Variants in PDE6B observed in about 807,000 individuals in gnomAD.
PDE6B encodes the protein rod cGMP-specific 3',5'-cyclic phosphodiesterase subunit beta.
In PDE6B, 106 loss-of-function variants were observed where a neutral mutation model predicts 109.0. The ratio of observed to expected loss-of-function variants is 0.97; its 90% confidence interval spans 0.83 to 1.14. The LOEUF (loss-of-function observed/expected upper bound fraction) is 1.14, where lower values mean the gene tolerates loss of function less well. Among genes scored for constraint, PDE6B ranks in the 50% most tolerant of loss-of-function variants. The probability of loss-of-function intolerance (pLI) is 0.00; values close to 1 mark genes in which losing one functional copy is unlikely to be tolerated. For missense variants in PDE6B, 1,193 were observed against 1,155.6 expected (o/e 1.03, Z -0.47); for synonymous variants, 490 against 471.3 (o/e 1.04, Z -0.51).
At chr4:658,769 G>A (rs1736676719) in intron 10 of PDE6B, among the ~76,000 whole-genome samples, 183 bp from the exon 11 acceptor site, 1 of 152,188 alleles carries the variant, frequency 6.6e-6, no homozygotes, top group Non-Finnish European at 1.5e-5. Context: ...GGACAGGTGG[G>A]AAAGTCAGCA....
chr4:653,732 GCAGGTGGT>G lies in PDE6B; in HGVS notation c.712-116_712-109del. The G allele has an allele frequency of 1.3e-5, 14 of 1,109,856 alleles. No individual in the cohort carries two copies. In the South Asian group the frequency reaches 1.8e-4, roughly 14 times the overall value. 68.8% of individuals were successfully genotyped at this position (1,109,856 alleles called of 1,614,324 possible). On this transcript the variant is annotated intron_variant, in intron 3 of 21. Coordinates refer to ENST00000496514, the MANE Select transcript of PDE6B (RefSeq NM_000283.4). ...GGTCTGTGCCAGGCTCCACGGCTGG[GCAGGTGGT>G]CAGATCAGGGAGCGCACCTGTGTCA...
At chr4:639,686 T>C (rs918393440) in intron 3 of PDE6B, among the ~76,000 whole-genome samples, 2 of 152,190 alleles carry the variant, frequency 1.3e-5, no homozygotes, top group Non-Finnish European at 2.9e-5. Context: ...AAAGTGATGC[T>C]GAGGCCGGGC....
rs1164051143 is a variant in PDE6B, at chr4:668,015, C to G, written c.2503+9C>G. 3 of 1,609,590 alleles carry G rather than the reference C, an allele frequency of 1.9e-6. No homozygotes were observed. The highest frequency in any genetic ancestry group is 2.2e-5 in the East Asian group (1 of 44,808). ...GGTGGCAGCCAAGAAAGGTCTGGCT[C>G]TGTGTGGCCTGTGGGGCAGGGACTC... On this transcript the variant is annotated intron_variant, in intron 21 of 21. Coordinates refer to ENST00000496514, the MANE Select transcript of PDE6B (RefSeq NM_000283.4).
chr4:654,753 CTGTGTG>C, intron 5 of PDE6B, 65 bp from the exon 6 acceptor site: 3 of 808,416 alleles, frequency 3.7e-6, no homozygotes, highest in East Asian at 2.5e-5. Flanking sequence ...CTGCATGTAG[CTGTGTG>C]TGTGTGTGTG....
Position 660,590 on chromosome 4 carries a change from C to G in PDE6B, c.1591C>G (p.Arg531Gly), listed in dbSNP as rs121918580. 2 of 1,613,712 alleles carry G rather than the reference C, an allele frequency of 1.2e-6. No homozygotes were observed. The highest frequency in any genetic ancestry group is 2.7e-5 in the African/African-American group (2 of 75,000). The change falls in exon 12 of 22, where the codon CGA becomes GGA. Residue 531 changes from arginine (R) to glycine (G), a missense_variant. Physicochemically the swap from Arg to Gly is moderately radical, Grantham distance 125. Coordinates refer to ENST00000496514, the MANE Select transcript of PDE6B (RefSeq NM_000283.4). ...GATGTACTACGAGCTGGGCGTGGTC[C>G]GAAAGTTCCAGATCCCCCAGGAGGT... ...IQMYYELGVV[R>G]KFQIPQEVLV...
At chr4:639,698 C>T (rs749143833) in intron 3 of PDE6B, among the ~76,000 whole-genome samples, 2 of 152,186 alleles carry the variant, frequency 1.3e-5, no homozygotes, top group Admixed American at 6.5e-5. Context: ...AGGCCGGGCA[C>T]GGTGGCTCAT....
intron 16 of PDE6B, 33 bp from the exon 17 acceptor site, chr4:664,081 C>G: frequency 2.1e-6 from 3 of 1,449,490 alleles, no homozygotes; most frequent in Non-Finnish European, 2.9e-6. Context: ...CACACTTGCT[C>G]CCACCTGCAC....
intron 1 of PDE6B, among the ~76,000 whole-genome samples, chr4:631,384 C>T (rs1734376272): frequency 6.6e-6 from 1 of 152,236 alleles, no homozygotes; most frequent in Admixed American, 6.5e-5. Context: ...GGGGCACCAT[C>T]TGAGGGTCAC....
At chr4:628,553 G>C (rs909412768) in intron 1 of PDE6B, among the ~76,000 whole-genome samples, 4 of 152,254 alleles carry the variant, frequency 2.6e-5, no homozygotes, top group African/African-American at 9.6e-5. Context: ...CTGCTCCTGA[G>C]CACAGCGGGC....
intron 7 of PDE6B, 70 bp downstream of exon 7, chr4:656,076 T>A: frequency 8.9e-7 from 1 of 1,123,562 alleles, no homozygotes; most frequent in Non-Finnish European, 1.4e-6. Flanking sequence ...TGCTTCTCCT[T>A]GTCTCTGCCA....
Position 648,525 on chromosome 4 carries a change from C to A in PDE6B, c.712-5327C>A, listed in dbSNP as rs183550660. On this transcript the variant is annotated intron_variant, in intron 3 of 21. Coordinates refer to ENST00000496514, the MANE Select transcript of PDE6B (RefSeq NM_000283.4). This position sits in a 1 kb window ranked among gnomAD's most constrained non-coding sequence, Gnocchi z 4.5. ...TTGAAGCAGCCTCTGGGCGCTCCCC[C>A]CTCCCTCTGTCCCGGGCCCTCACCT... Among the ~76,000 whole-genome samples, 52 of 152,330 alleles carry A rather than the reference C, an allele frequency of 3.4e-4. No individual in the cohort carries two copies. The highest frequency in any genetic ancestry group is 2.7e-3 in the South Asian group (13 of 4,826).
rs1560108790 is a variant in PDE6B, at chr4:642,726, A to AG, written c.711+6757_711+6758insG. On this transcript the variant is annotated intron_variant, in intron 3 of 21. Coordinates refer to ENST00000496514, the MANE Select transcript of PDE6B (RefSeq NM_000283.4). ...CAACCTGGACAACAGACACTGTCTC[A>AG]AAAAAAAAAAAAAAAAAAAAAAAAG... 4.4e-3 allele frequency among the ~76,000 whole-genome samples: 483 copies of AG among 110,614 alleles called. 2 individuals carry two copies. Among genetic ancestry groups the AG allele is most frequent in the African/African-American group, 0.017 (465 of 26,854 alleles). 72.6% of individuals were successfully genotyped at this position (110,614 alleles called of 152,430 possible).
chr4:653,938 C>G lies in PDE6B; in HGVS notation c.798C>G (p.Ala266=), dbSNP rs780540276. The G allele has an allele frequency of 1.2e-6, 2 of 1,613,776 alleles. No homozygotes were observed. The highest frequency in any genetic ancestry group is 1.1e-5 in the South Asian group (1 of 91,092). Residue 266 remains alanine (A), a synonymous_variant, in exon 4 of 22, where the codon GCC becomes GCG. Transcript: ENST00000496514. ...QFHKAFYTVR[A]YLNCERYSVG... ...ACAAGGCCTTCTACACGGTGCGGGC[C>G]TACCTCAACTGCGAGCGGTACTCCG... is the stretch of plus-strand genomic sequence containing the variant.
chr4:631,692 CGTT>C (rs1560102280), intron 1 of PDE6B, among the ~76,000 whole-genome samples: 1 of 150,156 alleles, frequency 6.7e-6, no homozygotes, highest in East Asian at 2.0e-4. Context: ...CTGAGGGTCA[CGTT>C]GTGTGGATTT....
Position 655,945 on chromosome 4 carries a change from C to A in PDE6B, c.998C>A (p.Pro333His), listed in dbSNP as rs138955314. The change falls in exon 7 of 22, where the codon CCC (proline) becomes CAC (histidine). Residue 333 changes from proline (P) to histidine (H), a missense_variant. Transcript: ENST00000496514. ...GKEEIKVIPT[P>H]SADHWALASG... ...CCCCTGCTCTCTGCCCACAGCACACCCTCAGCCGATCACTGGGCCCTGGCC... is the reference window on the plus strand; with the variant it reads ...CCCCTGCTCTCTGCCCACAGCACACACTCAGCCGATCACTGGGCCCTGGCC... 19 of 1,607,774 alleles carry A rather than the reference C, an allele frequency of 1.2e-5. No individual in the cohort carries two copies. Among genetic ancestry groups the A allele is most frequent in the Non-Finnish European group, 1.3e-5 (15 of 1,174,556 alleles).
rs1734668871 is a variant in PDE6B at position 636,148 on chromosome 4, A to G, written c.711+179A>G. ...GCTTCTGTGGCTGTGCTGAGCTGCAATGGCCAGACCCATCTGCCACCTGCC... is the reference window on the plus strand; with the variant it reads ...GCTTCTGTGGCTGTGCTGAGCTGCAGTGGCCAGACCCATCTGCCACCTGCC... On this transcript the variant is annotated intron_variant, in intron 3 of 21. Coordinates refer to ENST00000496514, the MANE Select transcript of PDE6B (RefSeq NM_000283.4). The surrounding 1 kb of genome is among the most constrained non-coding windows in gnomAD (Gnocchi z 4.5). Among the ~76,000 whole-genome samples the G allele has an allele frequency of 6.6e-6, 1 of 151,958 alleles. No individual in the cohort carries two copies. Among genetic ancestry groups the G allele is most frequent in the Non-Finnish European group, 1.5e-5 (1 of 67,974 alleles).
chr4:654,500 G>C (rs1209486429), intron 5 of PDE6B: 1 of 587,478 alleles, frequency 1.7e-6, no homozygotes, highest in African/African-American at 1.9e-5. Flanking sequence ...GGCCCAGCTT[G>C]TGTGTGGGAT....
Position 664,211 on chromosome 4 carries a change from G to A in PDE6B, c.2119G>A (p.Glu707Lys). 1 of 1,595,666 alleles carries A rather than the reference G, an allele frequency of 6.3e-7. No homozygotes were observed. Among genetic ancestry groups the A allele is most frequent in the Non-Finnish European group, 8.6e-7 (1 of 1,163,556 alleles). Residue 707 changes from glutamate (E) to lysine (K), a missense_variant, in exon 17 of 22, where the codon GAG (glutamate) becomes AAG (lysine). Physicochemically the swap from Glu to Lys is moderately conservative, Grantham distance 56. Coordinates refer to ENST00000496514, the MANE Select transcript of PDE6B (RefSeq NM_000283.4). Reference sequence around the variant, plus strand: ...CCTGTCCCTGGAGACGACCCGGAAGGAGATCGTCATGTGAGCGCGGGCGGA... The same window carrying A: ...CCTGTCCCTGGAGACGACCCGGAAGAAGATCGTCATGTGAGCGCGGGCGGA... ...EYLSLETTRK[E>K]IVMAMMMTAC... is the part of the protein sequence containing the mutation.
chr4:654,919 C>T (rs762815812), intron 6 of PDE6B, 31 bp downstream of exon 6: 25 of 1,277,708 alleles, frequency 2.0e-5, no homozygotes, highest in Middle Eastern at 1.9e-4. Flanking sequence ...GAAGCGTCCC[C>T]GGGGGAGGGA....
Sources: gnomAD v4.1 joint callset for allele counts (sites outside exome capture counted in the v4.1 genomes callset) on GRCh38, gnomAD v4.1.1 for gene constraint, Gnocchi (gnomAD v3.1) non-coding constraint, MANE v1.5 for transcripts, NCBI Gene and HGNC (gene_info 2026-07-23, HGNC 2026-07-21) for gene names.